The following MLLT3 variants were observed in gnomAD, a reference collection of about 807,000 sequenced individuals.
The protein encoded by MLLT3 is protein AF-9.
A neutral mutation model predicts 53.2 loss-of-function variants in MLLT3; 4 were observed. That is an observed-to-expected ratio of 0.08 (90% CI 0.04 to 0.17). The LOEUF (loss-of-function observed/expected upper bound fraction) is 0.17, where lower values mean the gene tolerates loss of function less well. MLLT3 is among the 10% of genes least tolerant of loss of function. The pLI, the probability that MLLT3 is intolerant of heterozygous loss-of-function variation, is 1.00. For missense variants in MLLT3, 569 were observed against 684.0 expected (o/e 0.83, Z 1.87); for synonymous variants, 283 against 230.6 (o/e 1.23, Z -2.06).
rs563316861 is a variant in MLLT3, at chr9:20,369,781, G to A, written c.1126-4037C>T. Among the ~76,000 whole-genome samples, 4 of 152,134 alleles carry A rather than the reference G, an allele frequency of 2.6e-5. No homozygotes were observed. The South Asian group carries it at 6.2e-4, about 24-fold the overall frequency. ...CACACAAAAAAATCATCATCAACAGGGTTATATGAAGATCTTTATATGAAG... is the reference window on the plus strand; with the variant it reads ...CACACAAAAAAATCATCATCAACAGAGTTATATGAAGATCTTTATATGAAG... On this transcript the variant is annotated intron_variant, in intron 5 of 10. Coordinates refer to ENST00000380338, the MANE Select transcript of MLLT3 (RefSeq NM_004529.4).
At chr9:20,426,069 T>C (rs1823132838) in intron 4 of MLLT3, among the ~76,000 whole-genome samples, 1 of 152,112 alleles carries the variant, frequency 6.6e-6, no homozygotes, top group Admixed American at 6.6e-5. Context: ...AAAATCCTTT[T>C]GTTTCAGAAT....
intron 2 of MLLT3, among the ~76,000 whole-genome samples, chr9:20,587,634 G>T (rs1437447836): frequency 6.6e-6 from 1 of 152,218 alleles, no homozygotes; most frequent in Non-Finnish European, 1.5e-5. Flanking sequence ...CTGCATAAAT[G>T]TCTTCTTTTG....
At chr9:20,557,135 T>C (rs1587066680) in intron 2 of MLLT3, among the ~76,000 whole-genome samples, 2 of 152,134 alleles carry the variant, frequency 1.3e-5, no homozygotes, top group South Asian at 2.1e-4. Flanking sequence ...TCCCACCTCC[T>C]GGCCCCTGTT....
At chr9:20,431,027 T>C (rs1823255051) in intron 4 of MLLT3, among the ~76,000 whole-genome samples, 1 of 152,082 alleles carries the variant, frequency 6.6e-6, no homozygotes, top group South Asian at 2.1e-4. Flanking sequence ...TGATACAACT[T>C]TATGTGCTTA....
chr9:20,509,607 C>A (rs1825474343), intron 2 of MLLT3, among the ~76,000 whole-genome samples: 1 of 152,144 alleles, frequency 6.6e-6, no homozygotes. Flanking sequence ...AATTGAAATA[C>A]TGTATGATAC....
intron 5 of MLLT3, among the ~76,000 whole-genome samples, chr9:20,413,225 C>T (rs1822777224): frequency 6.6e-6 from 1 of 152,062 alleles, no homozygotes; most frequent in Non-Finnish European, 1.5e-5. Context: ...CATCATTTTG[C>T]CTCAATAAAA....
chr9:20,380,735 G>C (rs1469454158), intron 5 of MLLT3, among the ~76,000 whole-genome samples: 1 of 151,966 alleles, frequency 6.6e-6, no homozygotes, highest in Non-Finnish European at 1.5e-5. Flanking sequence ...AATTTCATCT[G>C]ACTTAAACAT....
chr9:20,570,950 AAACT>A (rs1216220397), intron 2 of MLLT3, among the ~76,000 whole-genome samples: 1 of 152,216 alleles, frequency 6.6e-6, no homozygotes, highest in Non-Finnish European at 1.5e-5. Context: ...TAGACTTTGT[AAACT>A]AACTACACAA....
intron 2 of MLLT3, among the ~76,000 whole-genome samples, chr9:20,586,796 G>A (rs555216238): frequency 6.6e-6 from 1 of 152,156 alleles, no homozygotes; most frequent in African/African-American, 2.4e-5. Context: ...ATTCCTCTAA[G>A]GAGCCAGCAG....
In MLLT3 at chr9:20,353,610, A is replaced by G; in HGVS notation, c.1504-14T>C. On this transcript the variant is annotated splice_polypyrimidine_tract_variant and intron_variant, in intron 9 of 10. Coordinates refer to ENST00000380338, the MANE Select transcript of MLLT3 (RefSeq NM_004529.4). ...ATCTAGGTATGCCTGAAAGAGAAGA[A>G]TGTCCCCGAAAAGGACAAGCACTTT... 6.2e-7 allele frequency: 1 copy of G among 1,610,746 alleles called. No homozygotes were observed. Among genetic ancestry groups the G allele is most frequent in the African/African-American group, 1.3e-5 (1 of 74,984 alleles).
rs546199301 is a variant in MLLT3, at chr9:20,465,924, T to A, written c.194-9138A>T. On this transcript the variant is annotated intron_variant, in intron 2 of 10. Transcript: ENST00000380338. The stretch of plus-strand genomic sequence containing the variant: ...GTACAGTTTCTGTTTAGGCTGACAA[T>A]CTTTCAATCTTCTTCAAGAAACCAG... 2.6e-5 allele frequency among the ~76,000 whole-genome samples: 4 copies of A among 152,230 alleles called. No homozygotes were observed. The East Asian group carries it at 7.7e-4, about 29-fold the overall frequency.
chr9:20,491,702 A>G (rs1824952553), intron 2 of MLLT3, among the ~76,000 whole-genome samples: 1 of 152,152 alleles, frequency 6.6e-6, no homozygotes, highest in Non-Finnish European at 1.5e-5. Flanking sequence ...GTCAAAAAGT[A>G]CAAATGGGAG....
At position 20,369,269 on chromosome 9, in the gene MLLT3, G is replaced by A. The variant is rs1356930749; in HGVS notation, c.1126-3525C>T. Among the ~76,000 whole-genome samples the A allele has an allele frequency of 2.6e-5, 4 of 152,224 alleles. No homozygotes were observed. In the East Asian group the frequency reaches 5.8e-4, roughly 22 times the overall value. On this transcript the variant is annotated intron_variant, in intron 5 of 10. Transcript: ENST00000380338. ...TAATAGGTTGATAGTGGAGATCCAGGCATTTTTATAAAAAGCTCACAAGAG... is the reference window on the plus strand; with the variant it reads ...TAATAGGTTGATAGTGGAGATCCAGACATTTTTATAAAAAGCTCACAAGAG...
At chr9:20,579,560 T>C (rs1189413944) in intron 2 of MLLT3, among the ~76,000 whole-genome samples, 1 of 152,128 alleles carries the variant, frequency 6.6e-6, no homozygotes, top group African/African-American at 2.4e-5. Context: ...TCTTCACAAT[T>C]CTGACGCATG....
intron 4 of MLLT3, among the ~76,000 whole-genome samples, chr9:20,423,156 C>T (rs1823055683): frequency 6.6e-6 from 1 of 152,090 alleles, no homozygotes; most frequent in South Asian, 2.1e-4. Context: ...TCACCCCTTG[C>T]AAGTAGCTGT....
In MLLT3 at chr9:20,620,293, A is replaced by ACACACACACACG. The variant is rs1176274864; in HGVS notation, c.193+360_193+361insCGTGTGTGTGTG. On this transcript the variant is annotated intron_variant, in intron 2 of 10. Transcript: ENST00000380338. This position sits in a 1 kb window ranked among gnomAD's most constrained non-coding sequence, Gnocchi z 6.1. ...CACACACACACACACACACACACAC[A>ACACACACACACG]CGCGCAAAGTGTTTATTCCCTCCAG... is the stretch of plus-strand genomic sequence containing the variant. Among the ~76,000 whole-genome samples, 5 of 145,962 alleles carry ACACACACACACG rather than the reference A, an allele frequency of 3.4e-5. No individual in the cohort carries two copies. Among genetic ancestry groups the ACACACACACACG allele is most frequent in the Admixed American group, 6.8e-5 (1 of 14,662 alleles).
At chr9:20,594,984 T>C (rs1820220146) in intron 2 of MLLT3, among the ~76,000 whole-genome samples, 1 of 152,186 alleles carries the variant, frequency 6.6e-6, no homozygotes, top group Non-Finnish European at 1.5e-5. Context: ...CTCATACTGC[T>C]GCTCTGCCTA....
At chr9:20,376,034 C>T (rs979688579) in intron 5 of MLLT3, among the ~76,000 whole-genome samples, 2 of 152,150 alleles carry the variant, frequency 1.3e-5, no homozygotes, top group African/African-American at 4.8e-5. Context: ...ATTTTATTTA[C>T]CTTCAAGTGA....
chr9:20,594,179 G>A (rs1820194968), intron 2 of MLLT3, among the ~76,000 whole-genome samples: 1 of 152,094 alleles, frequency 6.6e-6, no homozygotes, highest in Non-Finnish European at 1.5e-5. Context: ...GACCTCAAAT[G>A]ATCCGCCTAC....
Sources: allele counts gnomAD v4.1 joint callset (sites outside exome capture counted in the v4.1 genomes callset), GRCh38; gene constraint gnomAD v4.1.1; non-coding constraint Gnocchi (gnomAD v3.1); transcripts MANE v1.5; gene names NCBI Gene and HGNC (gene_info 2026-07-23, HGNC 2026-07-21).